Variants in NLRP5 observed in about 807,000 individuals in gnomAD.
The protein encoded by NLRP5 is NLR family pyrin domain containing 5.
Under a neutral mutation model 113.1 loss-of-function variants are expected in NLRP5, and 93 were observed. The ratio of observed to expected loss-of-function variants is 0.82; its 90% CI spans 0.70 to 0.98. The LOEUF (loss-of-function observed/expected upper bound fraction) is 0.98. NLRP5 is among the 50% of genes least tolerant of loss of function. The pLI is 0.00. For synonymous variants in NLRP5, 751 were observed against 600.7 expected, an observed-to-expected ratio of 1.25 and a Z score of -3.66; for missense variants, 1,808 against 1,514.3, an observed-to-expected ratio of 1.19 and a Z score of -3.22.
At chr19:56,055,752 A>C (rs111360995) in intron 13 of NLRP5, among the ~76,000 whole-genome samples, 1 of 151,098 alleles carries the variant, frequency 6.6e-6, no homozygotes, top group African/African-American at 2.5e-5. Context: ...TCACCGTGTT[A>C]GCCAGGATGG....
intron 9 of NLRP5, among the ~76,000 whole-genome samples, chr19:56,035,126 A>G (rs769947207): frequency 1.4e-4 from 21 of 151,972 alleles, no homozygotes; most frequent in Non-Finnish European, 2.4e-4. Flanking sequence ...TTTAGTAGAG[A>G]TGGGGGTTTC....
rs1008160248 is a variant in NLRP5, at chr19:56,050,284, A to G, written c.2958-134A>G. On this transcript the variant is annotated intron_variant, in intron 11 of 14. Transcript: ENST00000390649. The stretch of plus-strand genomic sequence containing the variant: ...GACAGAGCAAGACTCCTCAAAAAAA[A>G]AAAAGAAAAAAAAACAAATATGACC... 5.2e-6 allele frequency: 4 copies of G among 770,160 alleles called. No individual in the cohort carries two copies. In the African/African-American group the frequency reaches 5.8e-5, roughly 11 times the overall value. The allele number at this position is 770,160 out of a possible 1,614,324, so 47.7% of individuals were successfully genotyped here. A position where few individuals can be genotyped will look rare whatever the true frequency, so the allele number is the denominator to read the frequency against.
At chr19:56,058,797 T>A (rs1057239670) in intron 14 of NLRP5, among the ~76,000 whole-genome samples, 1 of 152,160 alleles carries the variant, frequency 6.6e-6, no homozygotes, top group African/African-American at 2.4e-5. Flanking sequence ...TAATGCACAA[T>A]AATAGCCAAG....
chr19:56,038,257 G>T, intron 10 of NLRP5, 62 bp downstream of exon 10: 4 of 1,519,142 alleles, frequency 2.6e-6, no homozygotes, highest in South Asian at 1.2e-5. Context: ...TCGTAACTTC[G>T]ATTCTCCAGG....
intron 7 of NLRP5, among the ~76,000 whole-genome samples, chr19:56,030,357 G>C (rs1013009758): frequency 1.3e-5 from 2 of 151,962 alleles, no homozygotes; most frequent in African/African-American, 4.8e-5. Context: ...GTGACAGAGT[G>C]AGACTCTATC....
At chr19:56,040,730 G>A (rs1983490155) in intron 10 of NLRP5, among the ~76,000 whole-genome samples, 192 bp from the exon 11 acceptor site, 1 of 152,168 alleles carries the variant, frequency 6.6e-6, no homozygotes, top group African/African-American at 2.4e-5. Flanking sequence ...AATACTTAGA[G>A]TATTCTTTTG....
intron 6 of NLRP5, among the ~76,000 whole-genome samples, chr19:56,025,982 G>C (rs138536747): frequency 6.6e-6 from 1 of 152,068 alleles, no homozygotes; most frequent in Admixed American, 6.6e-5. Context: ...TAGATTCTAC[G>C]GGGGGAGACC....
chr19:56,020,874 ATT>A (rs36047346), intron 6 of NLRP5, among the ~76,000 whole-genome samples: 19,595 of 137,032 alleles, frequency 0.14, 1,307 homozygotes, highest in Non-Finnish European at 0.19. Context: ...CCTTCGTGGC[ATT>A]TTTTTTTTTT....
chr19:56,007,989 C>T (rs140638787), intron 2 of NLRP5, among the ~76,000 whole-genome samples: 30,212 of 137,550 alleles, frequency 0.22, 5,589 homozygotes, highest in Non-Finnish European at 0.3. Context: ...AGTGCAGTGG[C>T]GCGATCTCGG....
In NLRP5 at chr19:56,015,631, G is replaced by C. The variant is rs1982374692; in HGVS notation, c.509-111G>C. ...GCCAGTGGTTCTGTGCTCTAAACTGGTCAGAAAATTAACTATGGCATGACT... is the reference window on the plus strand; with the variant it reads ...GCCAGTGGTTCTGTGCTCTAAACTGCTCAGAAAATTAACTATGGCATGACT... On this transcript the variant is annotated intron_variant, in intron 3 of 14. Coordinates refer to ENST00000390649, the MANE Select transcript of NLRP5 (RefSeq NM_153447.4). 17 of 845,482 alleles carry C rather than the reference G, an allele frequency of 2.0e-5. No individual in the cohort carries two copies. In the South Asian group the frequency reaches 4.1e-4, roughly 20 times the overall value. 52.4% of individuals were successfully genotyped at this position (845,482 alleles called of 1,614,324 possible).
chr19:56,035,376 A>G (rs556808923), intron 9 of NLRP5, among the ~76,000 whole-genome samples: 1 of 152,354 alleles, frequency 6.6e-6, no homozygotes, highest in African/African-American at 2.4e-5. Context: ...GAAATTAGCC[A>G]AAGCATAAAT....
intron 11 of NLRP5, among the ~76,000 whole-genome samples, chr19:56,049,595 G>C (rs182776067): frequency 6.6e-6 from 1 of 152,086 alleles, no homozygotes; most frequent in Non-Finnish European, 1.5e-5. Context: ...ACAGGTGTGA[G>C]CCACCGTGCC....
Position 56,050,433 on chromosome 19 carries a change from C to G in NLRP5, c.2973C>G (p.His991Gln), listed in dbSNP as rs750713004. 6.2e-7 allele frequency: 1 copy of G among 1,613,716 alleles called. No homozygotes were observed. The change falls in exon 12 of 15, where the codon CAC becomes CAG. Residue 991 changes from histidine (H) to glutamine (Q), a missense_variant. Transcript: ENST00000390649. ...TGCCCCACAGGCTGAATCAGTGCCA[C>G]CTGGACACGGCTGGCTGTGGTTTTC...
intron 11 of NLRP5, among the ~76,000 whole-genome samples, chr19:56,041,705 T>C (rs893862663): frequency 3.3e-5 from 5 of 152,136 alleles, no homozygotes; most frequent in African/African-American, 1.2e-4. Context: ...CCCAGCACTT[T>C]GGGAGGCTGA....
intron 4 of NLRP5, among the ~76,000 whole-genome samples, chr19:56,017,976 T>C (rs1204714491): frequency 6.6e-6 from 1 of 152,180 alleles, no homozygotes; most frequent in African/African-American, 2.4e-5. Flanking sequence ...TTCTCCACCA[T>C]ATATCTAGCA....
intron 3 of NLRP5, among the ~76,000 whole-genome samples, chr19:56,010,755 A>AAAAAAAAAAAAAAAT (rs78321861): frequency 7.9e-6 from 1 of 125,980 alleles, no homozygotes; most frequent in African/African-American, 3.0e-5. Context: ...AAAAAAAAAA[A>AAAAAAAAAAAAAAAT]GTCCCTTGAA....
chr19:56,040,176 G>T (rs1983467180), intron 10 of NLRP5, among the ~76,000 whole-genome samples: 1 of 152,052 alleles, frequency 6.6e-6, no homozygotes, highest in African/African-American at 2.4e-5. Context: ...CGAACTCCTG[G>T]GCTCAAACAG....
At chr19:56,006,038 C>A (rs1207493623) in intron 2 of NLRP5, among the ~76,000 whole-genome samples, 1 of 152,112 alleles carries the variant, frequency 6.6e-6, no homozygotes, top group Non-Finnish European at 1.5e-5. Context: ...CAGAGATTTG[C>A]AGTTTTCCAT....
At chr19:56,030,407 A>G (rs1033990314) in intron 7 of NLRP5, among the ~76,000 whole-genome samples, 9 of 152,160 alleles carry the variant, frequency 5.9e-5, no homozygotes, top group Admixed American at 3.3e-4. Flanking sequence ...GGTCTGGCAC[A>G]GCACCTGCTG....
Sources: gnomAD v4.1 joint callset for allele counts (sites outside exome capture counted in the v4.1 genomes callset) on GRCh38, gnomAD v4.1.1 for gene constraint, MANE v1.5 for transcripts, NCBI Gene and HGNC (gene_info 2026-07-23, HGNC 2026-07-21) for gene names.